Variants in BICD1 observed in about 807,000 individuals in gnomAD.
The protein encoded by BICD1 is BICD cargo adaptor 1, also known as protein bicaudal D homolog 1.
BICD1 carries 35 observed loss-of-function variants against 92.5 expected under a neutral mutation model. The ratio of observed to expected loss-of-function variants is 0.38; its 90% CI spans 0.29 to 0.50. The LOEUF is 0.50. BICD1 is among the 20% of genes least tolerant of loss of function. BICD1 has a pLI of 0.93. For missense variants in BICD1, 950 were observed against 1,189.8 expected (o/e 0.80, Z 2.97); for synonymous variants, 429 against 465.1 (o/e 0.92, Z 1.00).
chr12:32,114,200 T>C (rs1466787519), intron 1 of BICD1, among the ~76,000 whole-genome samples: 1 of 151,970 alleles, frequency 6.6e-6, no homozygotes, highest in Non-Finnish European at 1.5e-5. Flanking sequence ...AGAGAGAAGA[T>C]TTCAAACATG....
chr12:32,212,752 A>G (rs1455468796), intron 1 of BICD1, among the ~76,000 whole-genome samples: 1 of 152,196 alleles, frequency 6.6e-6, no homozygotes, highest in African/African-American at 2.4e-5. Context: ...TCAAAATGTA[A>G]TAAAATCACA....
At chr12:32,216,054 A>T (rs1054776501) in intron 1 of BICD1, among the ~76,000 whole-genome samples, 193 bp from the exon 2 acceptor site, 1 of 151,798 alleles carries the variant, frequency 6.6e-6, no homozygotes, top group Non-Finnish European at 1.5e-5. Flanking sequence ...ATATTTTAAA[A>T]TTTTATTTTT....
At chr12:32,298,588 A>AAAG (rs1947945741) in intron 3 of BICD1, among the ~76,000 whole-genome samples, 1 of 147,134 alleles carries the variant, frequency 6.8e-6, no homozygotes, top group East Asian at 2.0e-4. Context: ...AAAAAAAAAG[A>AAAG]GGCTGGGCAT....
chr12:32,216,853 C>G (rs1296825271), intron 2 of BICD1, among the ~76,000 whole-genome samples: 1 of 152,158 alleles, frequency 6.6e-6, no homozygotes, highest in Admixed American at 6.5e-5. Flanking sequence ...GGTGTTGGCT[C>G]AGGACACTGC....
At chr12:32,181,319 C>T (rs1944266556) in intron 1 of BICD1, among the ~76,000 whole-genome samples, 1 of 151,586 alleles carries the variant, frequency 6.6e-6, no homozygotes, top group Non-Finnish European at 1.5e-5. Flanking sequence ...ACCGGGGAGG[C>T]TGAGGCAGGA....
chr12:32,293,907 A>T (rs1565647672), intron 2 of BICD1, 87 bp from the exon 3 acceptor site: 1 of 1,340,484 alleles, frequency 7.5e-7, no homozygotes, highest in Admixed American at 2.9e-5. Flanking sequence ...AGGTGTTTTT[A>T]TTATTATTTT....
intron 1 of BICD1, among the ~76,000 whole-genome samples, chr12:32,184,906 T>C (rs1356672571): frequency 6.6e-6 from 1 of 152,210 alleles, no homozygotes; most frequent in Non-Finnish European, 1.5e-5. Flanking sequence ...GTTTTCAATA[T>C]GATATGTTCA....
At chr12:32,361,276 T>A (rs143745176) in intron 8 of BICD1, among the ~76,000 whole-genome samples, 429 of 151,722 alleles carry the variant, frequency 2.8e-3, no homozygotes, top group Non-Finnish European at 5.1e-3. Flanking sequence ...AGAAATGGGG[T>A]TGGGCCTGAT....
intron 8 of BICD1, among the ~76,000 whole-genome samples, chr12:32,356,498 A>T (rs58896099): frequency 0.071 from 10,719 of 152,024 alleles, 1,226 homozygotes; most frequent in African/African-American, 0.24. Flanking sequence ...CAAAAGTTTT[A>T]AAAAATTAGC....
chr12:32,293,171 G>C lies in BICD1; in HGVS notation c.427-823G>C, dbSNP rs1240359786. Among the ~76,000 whole-genome samples the C allele has an allele frequency of 2.6e-5, 4 of 152,186 alleles. No individual in the cohort carries two copies. In the East Asian group the frequency reaches 7.7e-4, roughly 29 times the overall value. Reference sequence around the variant, plus strand: ...TACAAATATTTTTTCTGACATGGAAGTGTGCATGTATCTGTGTATGTGTGT... The same window carrying C: ...TACAAATATTTTTTCTGACATGGAACTGTGCATGTATCTGTGTATGTGTGT... On this transcript the variant is annotated intron_variant, in intron 2 of 9. Coordinates refer to ENST00000652176, the MANE Select transcript of BICD1 (RefSeq NM_001714.4).
chr12:32,127,985 C>T (rs1169418015), intron 1 of BICD1, among the ~76,000 whole-genome samples: 1 of 151,678 alleles, frequency 6.6e-6, no homozygotes, highest in Non-Finnish European at 1.5e-5. Context: ...TTCACTGCAG[C>T]CTCTGCCTCC....
chr12:32,235,727 G>T (rs1946049199), intron 2 of BICD1, among the ~76,000 whole-genome samples: 1 of 144,170 alleles, frequency 6.9e-6, no homozygotes, highest in African/African-American at 2.6e-5. Context: ...TTTAGACAGA[G>T]TCTCGATCAG....
At chr12:32,303,109 A>T (rs548687832) in intron 3 of BICD1, among the ~76,000 whole-genome samples, 28 of 151,252 alleles carry the variant, frequency 1.9e-4, no homozygotes, top group Non-Finnish European at 2.4e-4. Flanking sequence ...TAATTTTCTT[A>T]TTTTTTGTAG....
intron 2 of BICD1, among the ~76,000 whole-genome samples, chr12:32,222,414 C>A (rs1290207854): frequency 2.0e-5 from 3 of 152,076 alleles, no homozygotes; most frequent in Non-Finnish European, 4.4e-5. Flanking sequence ...TTATATTATA[C>A]CCCTATTTTA....
intron 2 of BICD1, among the ~76,000 whole-genome samples, chr12:32,287,579 C>T (rs1455971245): frequency 6.6e-6 from 1 of 150,524 alleles, no homozygotes; most frequent in Non-Finnish European, 1.5e-5. Context: ...CTCTGTCGCC[C>T]AGGCTGGAGT....
chr12:32,360,421 C>T (rs1939281183), intron 8 of BICD1, among the ~76,000 whole-genome samples: 2 of 152,100 alleles, frequency 1.3e-5, no homozygotes, highest in Admixed American at 1.3e-4. Flanking sequence ...AAAAGTTTCT[C>T]TAAACTGTAG....
chr12:32,114,650 C>G (rs2121166669), intron 1 of BICD1, among the ~76,000 whole-genome samples: 1 of 152,190 alleles, frequency 6.6e-6, no homozygotes, highest in South Asian at 2.1e-4. Flanking sequence ...TCCCAAAGTG[C>G]TAGGATTACA....
intron 1 of BICD1, among the ~76,000 whole-genome samples, chr12:32,172,834 A>G (rs1252438310): frequency 1.3e-5 from 2 of 152,230 alleles, no homozygotes; most frequent in Non-Finnish European, 2.9e-5. Context: ...ATTCCATGCT[A>G]GACATTAATT....
At position 32,338,816 on chromosome 12, in the gene BICD1, C is replaced by A; in HGVS notation, c.2601C>A (p.Ser867Arg). Residue 867 changes from serine to arginine, a missense_variant, in exon 8 of 10, where the codon AGC becomes AGA. Physicochemically the swap from Ser to Arg is moderately radical, Grantham distance 110 (BLOSUM62 -1). Coordinates refer to ENST00000652176, the MANE Select transcript of BICD1 (RefSeq NM_001714.4). Reference sequence around the variant, plus strand: ...TTTCACCTTCCCTTTGTGATCAGAGCCGTCCCAGGACTTCAGGGGCTTCCT... The same window carrying A: ...TTTCACCTTCCCTTTGTGATCAGAGACGTCCCAGGACTTCAGGGGCTTCCT... ...RQFSPSLCDQ[S>R]RPRTSGASYL... is the part of the protein sequence containing the mutation. 1 of 1,600,284 alleles carries A rather than the reference C, an allele frequency of 6.2e-7. No individual in the cohort carries two copies. Among genetic ancestry groups the A allele is most frequent in the Non-Finnish European group, 8.5e-7 (1 of 1,174,294 alleles).
Sources: allele counts gnomAD v4.1 joint callset (sites outside exome capture counted in the v4.1 genomes callset), GRCh38; gene constraint gnomAD v4.1.1; transcripts MANE v1.5; gene names NCBI Gene and HGNC (gene_info 2026-07-23, HGNC 2026-07-21).